Variants in ST14 observed in about 807,000 individuals in gnomAD.
The protein encoded by ST14 is ST14 transmembrane serine protease matriptase, also known as suppressor of tumorigenicity 14 protein.
Under a neutral mutation model 96.5 loss-of-function variants are expected in ST14, and 40 were observed. The observed-to-expected ratio is 0.41, with a 90% CI of 0.32 to 0.54. The LOEUF is 0.54. Among genes scored for constraint, ST14 ranks in the 20% least tolerant of loss-of-function variants. The probability of loss-of-function intolerance (pLI) is 0.17; values close to 1 mark genes in which losing one functional copy is unlikely to be tolerated. For missense variants in ST14, 1,066 were observed against 1,188.9 expected (o/e 0.90, Z 1.52); for synonymous variants, 506 against 492.1 (o/e 1.03, Z -0.37).
chr11:130,177,431 C>G (rs552746006), intron 1 of ST14, among the ~76,000 whole-genome samples: 1 of 152,134 alleles, frequency 6.6e-6, no homozygotes, highest in East Asian at 2.0e-4. Context: ...GGTGCGGTGG[C>G]AGGTGCCTGT....
At chr11:130,199,189 A>G in intron 15 of ST14, 120 bp downstream of exon 15, 1 of 1,114,444 alleles carries the variant, frequency 9.0e-7, no homozygotes, top group Non-Finnish European at 1.3e-6. Flanking sequence ...TGCTTGGGTG[A>G]GAGGGTGTGT....
chr11:130,190,496 T>G lies in ST14; in HGVS notation c.677T>G (p.Met226Arg). Residue 226 changes from methionine to arginine, a missense_variant, in exon 7 of 19, where the codon ATG (methionine) becomes AGG (arginine). Met to Arg is a moderately conservative substitution (Grantham distance 91, BLOSUM62 -1). Transcript: ENST00000278742. ...FGLHARGVEL[M>R]RFTTPGFPDS... ...CTGCACGCCCGCGGTGTGGAGCTGATGCGCTTCACCACGCCCGGCTTCCCT... is the reference window on the plus strand; with the variant it reads ...CTGCACGCCCGCGGTGTGGAGCTGAGGCGCTTCACCACGCCCGGCTTCCCT... The G allele has an allele frequency of 6.2e-7, 1 of 1,608,784 alleles. No homozygotes were observed.
Position 130,188,783 on chromosome 11 carries a change from C to A in ST14, c.370-86C>A. Reference sequence around the variant, plus strand: ...ATGGGGGTGATCTGCAAAGGGGACCCGGGCCCTGGAGGGGAGGGAGCAGCC... The same window carrying A: ...ATGGGGGTGATCTGCAAAGGGGACCAGGGCCCTGGAGGGGAGGGAGCAGCC... On this transcript the variant is annotated intron_variant, in intron 3 of 18. Transcript: ENST00000278742. This position sits in a 1 kb window ranked among gnomAD's most constrained non-coding sequence, Gnocchi z 5.4. The A allele has an allele frequency of 6.2e-7, 1 of 1,603,480 alleles. No homozygotes were observed. The highest frequency in any genetic ancestry group is 2.2e-5 in the East Asian group (1 of 44,676).
In ST14 at chr11:130,181,105, G is replaced by A. The variant is rs144817772; in HGVS notation, c.82-7009G>A. Among the ~76,000 whole-genome samples, 193 of 151,954 alleles carry A rather than the reference G, an allele frequency of 1.3e-3. 1 individual carries two copies. Among genetic ancestry groups the A allele is most frequent in the African/African-American group, 4.5e-3 (185 of 41,416 alleles). Reference sequence around the variant, plus strand: ...CTTGTCCCTGCTGGATGGGATGGCGGTGGTCTGATTTTGTCCCTGCTGGGT... The same window carrying A: ...CTTGTCCCTGCTGGATGGGATGGCGATGGTCTGATTTTGTCCCTGCTGGGT... On this transcript the variant is annotated intron_variant, in intron 1 of 18. Transcript: ENST00000278742. The surrounding 1 kb of genome is among the most constrained non-coding windows in gnomAD (Gnocchi z 4.1).
In ST14 at chr11:130,194,148, G is replaced by T. The variant is rs749030741; in HGVS notation, c.876-1G>T. On this transcript the variant is annotated splice_acceptor_variant, in intron 7 of 18. Transcript: ENST00000278742. LOFTEE classifies it high-confidence loss of function. The stretch of plus-strand genomic sequence containing the variant: ...CTAATGCCCGCCCTCTGCCCCCACA[G>T]GTTGTGTGGCACCTACCCTCCCTCC... 6.2e-7 allele frequency: 1 copy of T among 1,614,180 alleles called. No individual in the cohort carries two copies. Among genetic ancestry groups the T allele is most frequent in the South Asian group, 1.1e-5 (1 of 91,088 alleles).
At position 130,204,599 on chromosome 11, in the gene ST14, G is replaced by T. The variant is rs190669019; in HGVS notation, c.1995-3811G>T. ...AGCCGAAGCAGGCAGATCACCTGAG[G>T]TCAGGAGTTCGAGACCAGCCTGACC... On this transcript the variant is annotated intron_variant, in intron 16 of 18. Transcript: ENST00000278742. Among the ~76,000 whole-genome samples the T allele has an allele frequency of 6.4e-3, 972 of 152,282 alleles. 5 individuals are homozygous for T. The highest frequency in any genetic ancestry group is 0.022 in the African/African-American group (924 of 41,554).
rs573763591 is a variant in ST14 at position 130,168,254 on chromosome 11, C to T, written c.81+8194C>T. 1.1e-3 allele frequency among the ~76,000 whole-genome samples: 171 copies of T among 152,284 alleles called. 1 individual carries two copies. The highest frequency in any genetic ancestry group is 4.0e-3 in the African/African-American group (167 of 41,552). On this transcript the variant is annotated intron_variant, in intron 1 of 18. Transcript: ENST00000278742. ...TGGCAAGCAGACCCTGTGGAGGCCA[C>T]GCTAGTCAGACCTCTTGTGGGTTAT... is the stretch of plus-strand genomic sequence containing the variant.
At chr11:130,191,504 A>C (rs1409918353) in intron 7 of ST14, among the ~76,000 whole-genome samples, 1 of 151,658 alleles carries the variant, frequency 6.6e-6, no homozygotes, top group Non-Finnish European at 1.5e-5. Context: ...AGTCAAGCCA[A>C]CCTGGTGAAA....
At chr11:130,167,983 G>C (rs1458271717) in intron 1 of ST14, among the ~76,000 whole-genome samples, 1 of 152,164 alleles carries the variant, frequency 6.6e-6, no homozygotes, top group African/African-American at 2.4e-5. Flanking sequence ...CCAAAGTGCT[G>C]GGATTGCAGG....
chr11:130,192,182 G>T (rs528578782), intron 7 of ST14, among the ~76,000 whole-genome samples: 1 of 152,192 alleles, frequency 6.6e-6, no homozygotes, highest in Admixed American at 6.5e-5. Flanking sequence ...CTCGGCGGAC[G>T]TTTCCTGATT....
chr11:130,180,682 G>T (rs1017227456), intron 1 of ST14, among the ~76,000 whole-genome samples: 2 of 152,184 alleles, frequency 1.3e-5, no homozygotes, highest in Non-Finnish European at 2.9e-5. Context: ...AGGATTCTCT[G>T]GTTGACTCAC....
At chr11:130,162,360 G>A (rs2136199739) in intron 1 of ST14, among the ~76,000 whole-genome samples, 1 of 152,316 alleles carries the variant, frequency 6.6e-6, no homozygotes, top group South Asian at 2.1e-4. Context: ...ATGAGAGCCA[G>A]GGAGCCTGCC....
chr11:130,167,141 G>A (rs1953048404), intron 1 of ST14, among the ~76,000 whole-genome samples: 1 of 152,202 alleles, frequency 6.6e-6, no homozygotes, highest in Admixed American at 6.5e-5. Flanking sequence ...AACCTGGGAG[G>A]TGGAGGTTGC....
At chr11:130,183,032 C>A (rs1953207854) in intron 1 of ST14, among the ~76,000 whole-genome samples, 1 of 151,778 alleles carries the variant, frequency 6.6e-6, no homozygotes, top group African/African-American at 2.4e-5. Flanking sequence ...TTTTGGCTCA[C>A]CGCAACCTCT....
intron 1 of ST14, among the ~76,000 whole-genome samples, chr11:130,176,858 G>T (rs985988204): frequency 3.5e-5 from 5 of 141,650 alleles, no homozygotes; most frequent in African/African-American, 1.4e-4. Context: ...GAGTGCAGTG[G>T]CATGATCTCG....
rs1341813912 is a variant in ST14, at chr11:130,209,916, G to T, written c.*93G>T. On this transcript the variant is annotated 3_prime_UTR_variant, in exon 19 of 19. Transcript: ENST00000278742. ...CAGGCTGGAGACTGGACCGCTGACT[G>T]CACCAGCGCCCCCAGAACATACACT... is the stretch of plus-strand genomic sequence containing the variant. 2 of 1,473,556 alleles carry T rather than the reference G, an allele frequency of 1.4e-6. No individual in the cohort carries two copies. Among genetic ancestry groups the T allele is most frequent in the African/African-American group, 2.8e-5 (2 of 72,412 alleles). The allele number at this position is 1,473,556 out of a possible 1,614,324, so 91.3% of individuals were successfully genotyped here.
chr11:130,196,425 C>A lies in ST14; in HGVS notation c.1200C>A (p.Asp400Glu). Residue 400 changes from aspartate to glutamate, a missense_variant, in exon 10 of 19, where the codon GAC (aspartate) becomes GAA (glutamate). By Grantham distance (45) the Asp-to-Glu change is conservative. Coordinates refer to ENST00000278742, the MANE Select transcript of ST14 (RefSeq NM_021978.4). ...TGCCTGCGGGCACCTGCCCCAAGGA[C>A]TACGTGGAGATCAACGGGGAGAAGT... ...PGVPAGTCPK[D>E]YVEINGEKYC... The A allele has an allele frequency of 6.2e-7, 1 of 1,610,382 alleles. No individual in the cohort carries two copies.
chr11:130,209,889 T>G lies in ST14; in HGVS notation c.*66T>G. 1 of 1,586,640 alleles carries G rather than the reference T, an allele frequency of 6.3e-7. No individual in the cohort carries two copies. The highest frequency in any genetic ancestry group is 8.6e-7 in the Non-Finnish European group (1 of 1,165,786). ...CATCGTCCACCCCAGTGTGCACGCC[T>G]GCAGGCTGGAGACTGGACCGCTGAC... On this transcript the variant is annotated 3_prime_UTR_variant, in exon 19 of 19. Coordinates refer to ENST00000278742, the MANE Select transcript of ST14 (RefSeq NM_021978.4).
chr11:130,181,106 TG>T lies in ST14; in HGVS notation c.82-7006del, dbSNP rs2136208327. Among the ~76,000 whole-genome samples the T allele has an allele frequency of 6.6e-6, 1 of 151,752 alleles. No homozygotes were observed. Among genetic ancestry groups the T allele is most frequent in the African/African-American group, 2.4e-5 (1 of 41,326 alleles). On this transcript the variant is annotated intron_variant, in intron 1 of 18. Transcript: ENST00000278742. This position sits in a 1 kb window ranked among gnomAD's most constrained non-coding sequence, Gnocchi z 4.1. Reference sequence around the variant, plus strand: ...TTGTCCCTGCTGGATGGGATGGCGGTGGTCTGATTTTGTCCCTGCTGGGTGG... The same window carrying T: ...TTGTCCCTGCTGGATGGGATGGCGGTGTCTGATTTTGTCCCTGCTGGGTGG...
Sources: gnomAD v4.1 joint callset for allele counts (sites outside exome capture counted in the v4.1 genomes callset) on GRCh38, gnomAD v4.1.1 for gene constraint, Gnocchi (gnomAD v3.1) non-coding constraint, MANE v1.5 for transcripts, NCBI Gene and HGNC (gene_info 2026-07-23, HGNC 2026-07-21) for gene names.